The following DGKI variants were observed in gnomAD, a reference collection of about 807,000 sequenced individuals.
The protein encoded by DGKI is diacylglycerol kinase iota.
A neutral mutation model predicts 147.5 loss-of-function variants in DGKI; 55 were observed. The observed-to-expected ratio is 0.37, with a 90% CI of 0.30 to 0.47. The LOEUF (loss-of-function observed/expected upper bound fraction) is 0.47, where lower values mean the gene tolerates loss of function less well. Among genes scored for constraint, DGKI ranks in the 20% least tolerant of loss-of-function variants. The pLI is 1.00. For missense variants in DGKI, 1,007 were observed against 1,323.8 expected (o/e 0.76, Z 3.71); for synonymous variants, 469 against 477.1 (o/e 0.98, Z 0.22).
intron 6 of DGKI, among the ~76,000 whole-genome samples, chr7:137,636,339 CCAG>C (rs1821312150): frequency 6.6e-6 from 1 of 152,118 alleles, no homozygotes; most frequent in Admixed American, 6.5e-5. Context: ...AGATGTAAGA[CCAG>C]CTGCAACCAT....
At chr7:137,796,637 G>C (rs950528773) in intron 1 of DGKI, among the ~76,000 whole-genome samples, 40 of 152,066 alleles carry the variant, frequency 2.6e-4, no homozygotes, top group Admixed American at 6.5e-5. Context: ...GAGCCAAATA[G>C]AAATTCTAGA....
intron 12 of DGKI, among the ~76,000 whole-genome samples, chr7:137,592,778 A>G (rs1219964561): frequency 1.3e-5 from 2 of 152,216 alleles, no homozygotes; most frequent in African/African-American, 4.8e-5. Context: ...TCCTTTTGAT[A>G]TTTTAATGTA....
chr7:137,476,992 A>T (rs926378352), intron 23 of DGKI, among the ~76,000 whole-genome samples: 5 of 152,246 alleles, frequency 3.3e-5, no homozygotes, highest in African/African-American at 1.2e-4. Flanking sequence ...AAACAAAAGC[A>T]GGAAGAAAGC....
chr7:137,819,182 T>C (rs1389562754), intron 1 of DGKI, among the ~76,000 whole-genome samples: 1 of 152,174 alleles, frequency 6.6e-6, no homozygotes, highest in African/African-American at 2.4e-5. Context: ...AATATAGCTA[T>C]TGAGTACAGC....
chr7:137,532,088 A>G (rs992113836), intron 20 of DGKI, among the ~76,000 whole-genome samples: 11 of 152,206 alleles, frequency 7.2e-5, no homozygotes, highest in Admixed American at 7.2e-4. Context: ...CAAAAAAAAC[A>G]GTAGCCAAAA....
chr7:137,618,475 C>T (rs1019049135), intron 8 of DGKI, among the ~76,000 whole-genome samples: 1 of 150,062 alleles, frequency 6.7e-6, no homozygotes, highest in Non-Finnish European at 1.5e-5. Flanking sequence ...AGCCCTCCCC[C>T]CCACTTCATA....
At chr7:137,607,774 T>C (rs1041812441) in intron 10 of DGKI, among the ~76,000 whole-genome samples, 1 of 152,120 alleles carries the variant, frequency 6.6e-6, no homozygotes, top group Non-Finnish European at 1.5e-5. Flanking sequence ...AGGAAACCCA[T>C]GTCTAGGTCC....
At chr7:137,766,997 C>T (rs1585464680) in intron 1 of DGKI, among the ~76,000 whole-genome samples, 1 of 152,170 alleles carries the variant, frequency 6.6e-6, no homozygotes, top group African/African-American at 2.4e-5. Context: ...GGCCACTCTG[C>T]AGTGGGGGGC....
rs545838484 is a variant in DGKI, at chr7:137,612,136, A to G, written c.994-2527T>C. ...CACGTATGGGGAGCACAGAGTTAGA[A>G]AAACACATTAAAGTAAGGCTTGATG... On this transcript the variant is annotated intron_variant, in intron 8 of 32. Transcript: ENST00000614521. Among the ~76,000 whole-genome samples the G allele has an allele frequency of 6.6e-5, 10 of 152,280 alleles. No homozygotes were observed. The South Asian group carries it at 1.9e-3, about 28-fold the overall frequency.
intron 8 of DGKI, among the ~76,000 whole-genome samples, chr7:137,613,416 G>C (rs1256019240): frequency 2.0e-5 from 3 of 152,116 alleles, no homozygotes; most frequent in Non-Finnish European, 4.4e-5. Context: ...GGTCCCAACA[G>C]CTCCAACCAG....
chr7:137,620,207 T>C (rs757359497), intron 7 of DGKI, among the ~76,000 whole-genome samples: 35 of 152,106 alleles, frequency 2.3e-4, no homozygotes, highest in Non-Finnish European at 1.0e-4. Context: ...ACTTATAACA[T>C]TGATAACAAG....
chr7:137,598,723 G>T (rs1458310393), intron 11 of DGKI, among the ~76,000 whole-genome samples: 1 of 152,034 alleles, frequency 6.6e-6, no homozygotes, highest in African/African-American at 2.4e-5. Context: ...GTCCTACCAT[G>T]TTCTTTACGG....
intron 3 of DGKI, among the ~76,000 whole-genome samples, chr7:137,667,731 A>G (rs1822690532): frequency 6.6e-6 from 1 of 152,122 alleles, no homozygotes; most frequent in South Asian, 2.1e-4. Flanking sequence ...TCACATTCCA[A>G]GCTATTTGGT....
In DGKI at chr7:137,466,911, G is replaced by A. The variant is rs775170295; in HGVS notation, c.2475C>T (p.Asp825=). 2.5e-6 allele frequency: 4 copies of A among 1,614,086 alleles called. No individual in the cohort carries two copies. The highest frequency in any genetic ancestry group is 3.4e-6 in the Non-Finnish European group (4 of 1,180,002). The change falls in exon 25 of 33, where the codon GAC becomes GAT. Residue 825 remains aspartate (D), a synonymous_variant. Coordinates refer to ENST00000614521, the MANE Select transcript of DGKI (RefSeq NM_001321708.2). ...CTGGAAAAAAACTTACCTGAGATCT[G>A]TCTATTCGATAAAAGCGATCAGCAG... ...ATSADRFYRI[D]RSQEHLHFVM...
At chr7:137,522,219 G>A (rs914507944) in intron 20 of DGKI, among the ~76,000 whole-genome samples, 5 of 151,962 alleles carry the variant, frequency 3.3e-5, no homozygotes, top group African/African-American at 7.2e-5. Flanking sequence ...CTTTTATATC[G>A]TATTTTCTAT....
At chr7:137,623,648 G>T in intron 6 of DGKI, 94 bp from the exon 7 acceptor site, 1 of 1,079,940 alleles carries the variant, frequency 9.3e-7, no homozygotes, top group Non-Finnish European at 1.4e-6. Context: ...AATAAGGCCA[G>T]AAGGCCAGGA....
At chr7:137,425,271 T>A (rs1812750405) in intron 28 of DGKI, among the ~76,000 whole-genome samples, 1 of 152,222 alleles carries the variant, frequency 6.6e-6, no homozygotes, top group Admixed American at 6.5e-5. Flanking sequence ...CGACTGCTGC[T>A]GATACCCAGG....
In DGKI at chr7:137,635,630, C is replaced by A. The variant is rs565744493; in HGVS notation, c.804+9842G>T. Among the ~76,000 whole-genome samples, 4 of 152,294 alleles carry A rather than the reference C, an allele frequency of 2.6e-5. No individual in the cohort carries two copies. The East Asian group carries it at 5.8e-4, about 22-fold the overall frequency. ...ATCCACTGGACTATCACGGCCTACA[C>A]CATCCAGAAGATGAAGGCCTGACAG... On this transcript the variant is annotated intron_variant, in intron 6 of 32. Transcript: ENST00000614521.
At chr7:137,461,742 T>C (rs1272231206) in intron 27 of DGKI, among the ~76,000 whole-genome samples, 2 of 151,964 alleles carry the variant, frequency 1.3e-5, no homozygotes, top group Non-Finnish European at 2.9e-5. Context: ...GTTTTCAAAG[T>C]AATTTTTCAG....
Sources: gnomAD v4.1 joint callset for allele counts (sites outside exome capture counted in the v4.1 genomes callset) on GRCh38, gnomAD v4.1.1 for gene constraint, MANE v1.5 for transcripts, NCBI Gene and HGNC (gene_info 2026-07-23, HGNC 2026-07-21) for gene names.